Variants in CNTN5 observed in about 807,000 individuals in gnomAD.
CNTN5 encodes the protein contactin-5.
CNTN5 carries 77 observed loss-of-function variants against 129.1 expected under a neutral mutation model. That is an observed-to-expected ratio of 0.60 (90% CI 0.50 to 0.72). The LOEUF (loss-of-function observed/expected upper bound fraction) is 0.72, where lower values mean the gene tolerates loss of function less well. Among genes scored for constraint, CNTN5 ranks in the 30% least tolerant of loss-of-function variants. The pLI, the probability that CNTN5 is intolerant of heterozygous loss-of-function variation, is 0.00. For synonymous variants in CNTN5, 509 were observed against 465.6 expected, an observed-to-expected ratio of 1.09 and a Z score of -1.20; for missense variants, 1,478 against 1,328.8, an observed-to-expected ratio of 1.11 and a Z score of -1.75.
intron 14 of CNTN5, 108 bp from the exon 15 acceptor site, chr11:100,193,380 C>A: frequency 1.5e-6 from 1 of 649,774 alleles, no homozygotes; most frequent in Non-Finnish European, 2.4e-6. Flanking sequence ...GTATCTGGAG[C>A]AACTGTATTG....
intron 10 of CNTN5, among the ~76,000 whole-genome samples, chr11:100,062,197 G>T (rs897793221): frequency 6.6e-5 from 10 of 152,130 alleles, no homozygotes; most frequent in Admixed American, 1.3e-4. Flanking sequence ...ATAGGCTAGA[G>T]CATTGAAATA....
At chr11:99,694,956 A>T (rs187951999) in intron 3 of CNTN5, among the ~76,000 whole-genome samples, 46 of 152,220 alleles carry the variant, frequency 3.0e-4, no homozygotes, top group African/African-American at 1.1e-3. Context: ...AAGGCCCCAT[A>T]ATTTTGACAT....
At chr11:100,029,186 A>T (rs977341155) in intron 9 of CNTN5, among the ~76,000 whole-genome samples, 1 of 152,178 alleles carries the variant, frequency 6.6e-6, no homozygotes, top group African/African-American at 2.4e-5. Context: ...AACAACTTGA[A>T]TCATGTCTAA....
chr11:100,071,267 T>C (rs1343637412), intron 11 of CNTN5, among the ~76,000 whole-genome samples: 1 of 152,244 alleles, frequency 6.6e-6, no homozygotes, highest in East Asian at 1.9e-4. Context: ...ATCCATATAG[T>C]AAAGGGATTG....
intron 9 of CNTN5, among the ~76,000 whole-genome samples, chr11:100,032,508 GAT>G (rs763114152): frequency 4.0e-5 from 6 of 150,494 alleles, no homozygotes; most frequent in East Asian, 1.9e-4. Flanking sequence ...AAAAAATAAT[GAT>G]ATATATATAT....
chr11:99,966,992 C>A (rs760292805), intron 8 of CNTN5, among the ~76,000 whole-genome samples: 13 of 151,976 alleles, frequency 8.6e-5, no homozygotes, highest in Non-Finnish European at 1.6e-4. Flanking sequence ...ACTTTGGTAA[C>A]CCCTAATAGA....
At chr11:99,158,419 A>G (rs1860438418) in intron 1 of CNTN5, among the ~76,000 whole-genome samples, 1 of 152,024 alleles carries the variant, frequency 6.6e-6, no homozygotes, top group African/African-American at 2.4e-5. Context: ...GCTACGTTTT[A>G]TTTTTATGTT....
intron 6 of CNTN5, among the ~76,000 whole-genome samples, chr11:99,854,726 A>C (rs1160266821): frequency 1.3e-5 from 2 of 152,182 alleles, no homozygotes; most frequent in Non-Finnish European, 2.9e-5. Flanking sequence ...ACATTTAAAA[A>C]TATTTGTTGG....
chr11:99,241,167 TAGAG>T (rs1184983077), intron 1 of CNTN5, among the ~76,000 whole-genome samples: 1 of 152,166 alleles, frequency 6.6e-6, no homozygotes, highest in African/African-American at 2.4e-5. Context: ...TATGTCTACT[TAGAG>T]AATCTCCATG....
intron 17 of CNTN5, among the ~76,000 whole-genome samples, chr11:100,267,225 TGG>T (rs967186836): frequency 3.6e-4 from 53 of 148,984 alleles, no homozygotes; most frequent in Admixed American, 1.3e-4. Flanking sequence ...CAACATCAAG[TGG>T]CCTTCTTTGT....
chr11:100,070,924 AC>A (rs1181132128), intron 11 of CNTN5, among the ~76,000 whole-genome samples: 1 of 151,884 alleles, frequency 6.6e-6, no homozygotes, highest in African/African-American at 2.4e-5. Context: ...TTTGTAGCTA[AC>A]CTTTAGATAT....
intron 1 of CNTN5, among the ~76,000 whole-genome samples, chr11:99,096,811 T>G (rs947528467): frequency 6.6e-6 from 1 of 151,822 alleles, no homozygotes; most frequent in African/African-American, 2.4e-5. Flanking sequence ...GCTGTCATAC[T>G]GCTTGCATTT....
intron 1 of CNTN5, among the ~76,000 whole-genome samples, chr11:99,222,852 A>T (rs911736355): frequency 2.6e-5 from 4 of 152,076 alleles, no homozygotes; most frequent in Non-Finnish European, 4.4e-5. Flanking sequence ...GTTTTGATTG[A>T]TTTAAGTGTT....
intron 2 of CNTN5, among the ~76,000 whole-genome samples, chr11:99,511,779 A>T (rs1217558105): frequency 6.6e-6 from 1 of 151,996 alleles, no homozygotes; most frequent in Non-Finnish European, 1.5e-5. Flanking sequence ...TATGTAACTA[A>T]CCTGCACATT....
At chr11:100,274,131 C>T (rs956865346) in intron 18 of CNTN5, among the ~76,000 whole-genome samples, 2 of 152,158 alleles carry the variant, frequency 1.3e-5, no homozygotes, top group African/African-American at 2.4e-5. Flanking sequence ...AAAGGATACC[C>T]TATTCAATAA....
At chr11:99,798,852 G>T (rs1591203999) in intron 3 of CNTN5, among the ~76,000 whole-genome samples, 1 of 152,090 alleles carries the variant, frequency 6.6e-6, no homozygotes, top group Non-Finnish European at 1.5e-5. Context: ...GCTTGCTCTG[G>T]GCAGTATGGC....
chr11:99,496,701 T>C (rs766309603), intron 2 of CNTN5, among the ~76,000 whole-genome samples: 15 of 152,304 alleles, frequency 9.8e-5, no homozygotes, highest in Non-Finnish European at 1.5e-4. Flanking sequence ...GTCCAGATGA[T>C]GTATTTGAGT....
chr11:99,758,979 C>T (rs2135267000), intron 3 of CNTN5, among the ~76,000 whole-genome samples: 1 of 151,998 alleles, frequency 6.6e-6, no homozygotes, highest in South Asian at 2.1e-4. Context: ...AATAGTATTC[C>T]AAAAGAATAT....
chr11:99,741,945 C>T (rs1323623043), intron 3 of CNTN5, among the ~76,000 whole-genome samples: 1 of 152,052 alleles, frequency 6.6e-6, no homozygotes, highest in Non-Finnish European at 1.5e-5. Flanking sequence ...AAGGGTGCAA[C>T]ATTTTACTAA....
Sources: gnomAD v4.1 joint callset for allele counts (sites outside exome capture counted in the v4.1 genomes callset) on GRCh38, gnomAD v4.1.1 for gene constraint, MANE v1.5 for transcripts, NCBI Gene and HGNC (gene_info 2026-07-23, HGNC 2026-07-21) for gene names.